The following GPC6 variants were observed in gnomAD, a reference collection of about 807,000 sequenced individuals.
The protein encoded by GPC6 is glypican-6.
GPC6 carries 14 observed loss-of-function variants against 55.2 expected under a neutral mutation model. That is an observed-to-expected ratio of 0.25 (90% CI 0.17 to 0.40). The LOEUF is 0.40. Ranked by LOEUF, GPC6 falls within the 10% of genes least tolerant of loss-of-function variation. The probability of loss-of-function intolerance (pLI) is 1.00; values close to 1 mark genes in which losing one functional copy is unlikely to be tolerated. For missense variants in GPC6, 641 were observed against 708.5 expected (o/e 0.90, Z 1.08); for synonymous variants, 278 against 259.6 (o/e 1.07, Z -0.68).
intron 4 of GPC6, among the ~76,000 whole-genome samples, chr13:94,083,200 GCTCT>G (rs1170723167): frequency 2.0e-5 from 3 of 152,066 alleles, no homozygotes; most frequent in African/African-American, 7.2e-5. Context: ...GTCACTGCAA[GCTCT>G]GCCTCCCTGG....
chr13:94,174,581 CAAGA>C (rs909238925), intron 4 of GPC6, among the ~76,000 whole-genome samples: 1 of 151,910 alleles, frequency 6.6e-6, no homozygotes, highest in Non-Finnish European at 1.5e-5. Flanking sequence ...GGTCAGTGAA[CAAGA>C]AAGAAAAGCA....
intron 3 of GPC6, among the ~76,000 whole-genome samples, chr13:93,844,871 A>C (rs964838558): frequency 2.7e-5 from 4 of 150,926 alleles, no homozygotes; most frequent in Non-Finnish European, 5.9e-5. Context: ...ATGGCTAGCC[A>C]ATTTTCCCAG....
intron 1 of GPC6, among the ~76,000 whole-genome samples, chr13:93,355,164 T>A (rs1357015842): frequency 6.6e-6 from 1 of 152,210 alleles, no homozygotes; most frequent in East Asian, 1.9e-4. Flanking sequence ...TTTTCTCCTT[T>A]TGCTTTCTCT....
intron 1 of GPC6, among the ~76,000 whole-genome samples, chr13:93,470,615 T>C (rs552676850): frequency 6.6e-6 from 1 of 152,236 alleles, no homozygotes; most frequent in South Asian, 2.1e-4. Context: ...TTTGGTACTG[T>C]TTTTCTCTGG....
At chr13:93,421,660 A>G (rs559262360) in intron 1 of GPC6, among the ~76,000 whole-genome samples, 2 of 152,214 alleles carry the variant, frequency 1.3e-5, no homozygotes, top group South Asian at 4.1e-4. Flanking sequence ...AAATTACCCC[A>G]TGTGTCTAGT....
intron 1 of GPC6, among the ~76,000 whole-genome samples, chr13:93,328,001 A>T (rs1035333837): frequency 3.3e-5 from 5 of 151,960 alleles, no homozygotes; most frequent in African/African-American, 4.8e-5. Context: ...AAACAACTTT[A>T]AAAAAATGGC....
chr13:93,244,836 T>C lies in GPC6; in HGVS notation c.160+17220T>C, dbSNP rs78892410. Among the ~76,000 whole-genome samples, 63 of 152,310 alleles carry C rather than the reference T, an allele frequency of 4.1e-4. No homozygotes were observed. In the East Asian group the frequency reaches 0.011, roughly 28 times the overall value. On this transcript the variant is annotated intron_variant, in intron 1 of 8. Coordinates refer to ENST00000377047, the MANE Select transcript of GPC6 (RefSeq NM_005708.5). ...TCTCTTGAGTTCCTCTGTTCCTTCT[T>C]AGATAAAAGTGCACAGCGTGAATCT...
At chr13:94,225,688 T>TAA (rs1555309043) in intron 4 of GPC6, among the ~76,000 whole-genome samples, 2 of 149,710 alleles carry the variant, frequency 1.3e-5, no homozygotes, top group East Asian at 2.0e-4. Flanking sequence ...TATATATATA[T>TAA]AAACTGTATA....
chr13:94,349,610 C>G (rs949937546), intron 6 of GPC6, among the ~76,000 whole-genome samples: 16 of 152,304 alleles, frequency 1.1e-4, no homozygotes, highest in African/African-American at 3.8e-4. Context: ...TGTGTCTGAG[C>G]AAACATGTGC....
chr13:93,884,220 T>G (rs1189662310), intron 3 of GPC6, among the ~76,000 whole-genome samples: 1 of 152,118 alleles, frequency 6.6e-6, no homozygotes, highest in East Asian at 1.9e-4. Context: ...AGGCGAACTG[T>G]TTCCTCTTTT....
At chr13:93,402,381 A>G (rs968816766) in intron 1 of GPC6, among the ~76,000 whole-genome samples, 1 of 152,174 alleles carries the variant, frequency 6.6e-6, no homozygotes, top group Non-Finnish European at 1.5e-5. Context: ...CCAGATGTAC[A>G]GTGCGGCCTT....
chr13:93,734,382 A>G (rs963300224), intron 2 of GPC6, among the ~76,000 whole-genome samples: 1 of 152,176 alleles, frequency 6.6e-6, no homozygotes, highest in Non-Finnish European at 1.5e-5. Flanking sequence ...CACAGTAGAC[A>G]TGGTAGAACC....
chr13:93,480,330 A>G (rs940505714), intron 1 of GPC6, among the ~76,000 whole-genome samples: 1 of 152,232 alleles, frequency 6.6e-6, no homozygotes, highest in African/African-American at 2.4e-5. Flanking sequence ...AAAAAAATTT[A>G]GTTATATTTT....
chr13:94,236,886 CTT>C (rs34883180), intron 4 of GPC6, among the ~76,000 whole-genome samples: 4,142 of 144,930 alleles, frequency 0.029, 194 homozygotes, highest in African/African-American at 0.091. Flanking sequence ...AAGCAGAAAG[CTT>C]TTTTTTTTTT....
At chr13:94,330,273 C>CCT (rs10663151) in intron 6 of GPC6, among the ~76,000 whole-genome samples, 58,220 of 151,860 alleles carry the variant, frequency 0.38, 11,566 homozygotes, top group East Asian at 0.65. Context: ...AAATTTTTAC[C>CCT]GTTTAAAGTC....
chr13:94,033,157 T>C (rs986400817), intron 4 of GPC6, among the ~76,000 whole-genome samples: 1 of 152,232 alleles, frequency 6.6e-6, no homozygotes, highest in African/African-American at 2.4e-5. Context: ...GTAAGTCTTT[T>C]CTTTTAATGG....
At chr13:94,024,908 G>C (rs1443045429) in intron 3 of GPC6, among the ~76,000 whole-genome samples, 1 of 152,080 alleles carries the variant, frequency 6.6e-6, no homozygotes, top group African/African-American at 2.4e-5. Context: ...AAGCACAATA[G>C]AGCATTTGAT....
intron 3 of GPC6, among the ~76,000 whole-genome samples, chr13:93,982,056 A>G (rs1880828565): frequency 6.6e-6 from 1 of 152,124 alleles, no homozygotes; most frequent in Admixed American, 6.6e-5. Context: ...TGGAATGGTC[A>G]CTTGGGGTAA....
intron 7 of GPC6, among the ~76,000 whole-genome samples, chr13:94,388,323 C>G (rs1880500643): frequency 6.6e-6 from 1 of 152,160 alleles, no homozygotes; most frequent in African/African-American, 2.4e-5. Context: ...AAAATAACAA[C>G]AGCAATATGA....
Sources: allele counts gnomAD v4.1 joint callset (sites outside exome capture counted in the v4.1 genomes callset), GRCh38; gene constraint gnomAD v4.1.1; transcripts MANE v1.5; gene names NCBI Gene and HGNC (gene_info 2026-07-23, HGNC 2026-07-21).